The following CSMD1 variants were observed in gnomAD, a reference collection of about 807,000 sequenced individuals.
CSMD1 encodes CUB and sushi domain-containing protein 1.
Under a neutral mutation model 417.5 loss-of-function variants are expected in CSMD1, and 213 were observed. The observed-to-expected ratio is 0.51, with a 90% confidence interval of 0.46 to 0.57. The LOEUF is 0.57. CSMD1 is among the 20% of genes least tolerant of loss of function. CSMD1 has a pLI of 0.00. For missense variants in CSMD1, 6,923 were observed against 4,529.7 expected (o/e 1.53, Z -15.17); for synonymous variants, 2,862 against 1,736.8 (o/e 1.65, Z -16.11).
chr8:2,987,927 G>A (rs1242027042), intron 54 of CSMD1, among the ~76,000 whole-genome samples: 2 of 152,164 alleles, frequency 1.3e-5, no homozygotes, highest in Non-Finnish European at 2.9e-5. Context: ...TGTGCAGGAT[G>A]TGCAGGTTTG....
intron 6 of CSMD1, among the ~76,000 whole-genome samples, chr8:3,749,206 T>C (rs1797201563): frequency 6.6e-6 from 1 of 152,196 alleles, no homozygotes; most frequent in Non-Finnish European, 1.5e-5. Flanking sequence ...AGGCAACATA[T>C]AAAGAATGGG....
intron 1 of CSMD1, among the ~76,000 whole-genome samples, chr8:4,832,911 C>G (rs1800237750): frequency 1.3e-5 from 2 of 152,190 alleles, no homozygotes; most frequent in Admixed American, 6.5e-5. Context: ...CTCAAGCACT[C>G]TAAGTTTAGT....
chr8:4,039,755 G>A (rs1797792660), intron 3 of CSMD1, among the ~76,000 whole-genome samples: 2 of 152,166 alleles, frequency 1.3e-5, no homozygotes, highest in African/African-American at 2.4e-5. Context: ...ATTGATGTGG[G>A]GGAAGTCGTT....
chr8:4,729,129 A>C lies in CSMD1; in HGVS notation c.86-91571T>G, dbSNP rs199709011. ...ATCTGAAACCAGGACAAGGAGGAAG[A>C]CTAAACAAAGAACACAAGGACAGGC... On this transcript the variant is annotated intron_variant, in intron 1 of 69. Transcript: ENST00000635120. Among the ~76,000 whole-genome samples, 8 of 152,322 alleles carry C rather than the reference A, an allele frequency of 5.3e-5. No homozygotes were observed. In the East Asian group the frequency reaches 5.8e-4, roughly 11 times the overall value.
rs777030003 is a variant in CSMD1 at position 3,882,172 on chromosome 8, T to C, written c.818+115731A>G. ...TCCACCAAGATTTGTGTACAGAATATACAGACATCTTACAAATCAACAAGA... is the reference window on the plus strand; with the variant it reads ...TCCACCAAGATTTGTGTACAGAATACACAGACATCTTACAAATCAACAAGA... On this transcript the variant is annotated intron_variant, in intron 5 of 69. Transcript: ENST00000635120. 3.7e-4 allele frequency among the ~76,000 whole-genome samples: 56 copies of C among 151,844 alleles called. 1 individual carries two copies. The highest frequency in any genetic ancestry group is 6.2e-4 in the Non-Finnish European group (42 of 67,890).
rs142201722 is a variant in CSMD1, at chr8:3,428,189, G to C, written c.1562-18584C>G. On this transcript the variant is annotated intron_variant, in intron 12 of 69. Transcript: ENST00000635120. ...CAACTATATGGTTGGGGACCTAAAA[G>C]TGATATGTGAGCTACGTAGAATGAA... Among the ~76,000 whole-genome samples, 434 of 152,084 alleles carry C rather than the reference G, an allele frequency of 2.9e-3. 2 individuals are homozygous for C. The highest frequency in any genetic ancestry group is 3.8e-3 in the Non-Finnish European group (260 of 67,986).
At chr8:4,312,322 C>A (rs1798659415) in intron 3 of CSMD1, among the ~76,000 whole-genome samples, 1 of 150,122 alleles carries the variant, frequency 6.7e-6, no homozygotes, top group Non-Finnish European at 1.5e-5. Context: ...ATCATACCTA[C>A]TTTTTTAAAA....
chr8:4,324,348 G>C (rs1799432932), intron 3 of CSMD1, among the ~76,000 whole-genome samples: 1 of 152,192 alleles, frequency 6.6e-6, no homozygotes, highest in Non-Finnish European at 1.5e-5. Context: ...AGGTCCTGTA[G>C]TAGCAGCCAT....
At chr8:4,391,424 G>A (rs548275943) in intron 3 of CSMD1, among the ~76,000 whole-genome samples, 1 of 152,208 alleles carries the variant, frequency 6.6e-6, no homozygotes, top group East Asian at 1.9e-4. Flanking sequence ...GAGCCTTAGT[G>A]ATTGAGAGAA....
intron 3 of CSMD1, among the ~76,000 whole-genome samples, chr8:4,357,899 G>C (rs1409997238): frequency 1.3e-5 from 2 of 152,118 alleles, no homozygotes; most frequent in Non-Finnish European, 1.5e-5. Context: ...TATAATTGTA[G>C]TATTTATAAA....
At chr8:3,939,037 A>G (rs942519390) in intron 5 of CSMD1, among the ~76,000 whole-genome samples, 3 of 152,108 alleles carry the variant, frequency 2.0e-5, no homozygotes, top group African/African-American at 4.8e-5. Context: ...TTTTTATTCC[A>G]TCATAGTAAT....
intron 10 of CSMD1, among the ~76,000 whole-genome samples, chr8:3,529,465 G>A (rs920281892): frequency 2.0e-5 from 3 of 152,088 alleles, no homozygotes; most frequent in African/African-American, 4.8e-5. Flanking sequence ...CATAAATTTG[G>A]GTTAAAGGAA....
chr8:4,066,819 G>A (rs1195344473), intron 3 of CSMD1, among the ~76,000 whole-genome samples: 3 of 152,164 alleles, frequency 2.0e-5, no homozygotes, highest in South Asian at 2.1e-4. Flanking sequence ...AAGCGAAAGC[G>A]ACAACACCCA....
intron 8 of CSMD1, among the ~76,000 whole-genome samples, chr8:3,602,214 T>G (rs965173468): frequency 1.3e-5 from 2 of 152,234 alleles, no homozygotes; most frequent in African/African-American, 4.8e-5. Flanking sequence ...TCCATCTTCC[T>G]GACCAATTAA....
At chr8:3,884,515 C>T (rs532363052) in intron 5 of CSMD1, among the ~76,000 whole-genome samples, 60 of 152,246 alleles carry the variant, frequency 3.9e-4, no homozygotes, top group South Asian at 2.1e-3. Flanking sequence ...TCTCCTCCTT[C>T]GGGGTCCCAA....
intron 6 of CSMD1, among the ~76,000 whole-genome samples, chr8:3,736,272 C>T (rs1387169068): frequency 6.6e-6 from 1 of 151,956 alleles, no homozygotes; most frequent in Non-Finnish European, 1.5e-5. Context: ...GACAGGGTCT[C>T]ACTGTGTCAC....
chr8:4,922,714 T>G (rs1249398477), intron 1 of CSMD1, among the ~76,000 whole-genome samples: 6 of 152,120 alleles, frequency 3.9e-5, no homozygotes, highest in African/African-American at 1.4e-4. Flanking sequence ...ACCAGCCCAT[T>G]ATATGCATTC....
chr8:4,440,767 G>A (rs1043117356), intron 2 of CSMD1, among the ~76,000 whole-genome samples: 1 of 152,012 alleles, frequency 6.6e-6, no homozygotes, highest in Non-Finnish European at 1.5e-5. Context: ...AGGCCAGTGC[G>A]AGCAGATCAC....
chr8:3,635,261 G>A (rs1045738186), intron 7 of CSMD1, among the ~76,000 whole-genome samples: 6 of 151,948 alleles, frequency 3.9e-5, no homozygotes, highest in African/African-American at 1.4e-4. Flanking sequence ...GGATCATGAG[G>A]TCAGGTGTTC....
Sources: gnomAD v4.1 joint callset for allele counts (sites outside exome capture counted in the v4.1 genomes callset) on GRCh38, gnomAD v4.1.1 for gene constraint, MANE v1.5 for transcripts, NCBI Gene and HGNC (gene_info 2026-07-23, HGNC 2026-07-21) for gene names.